GPR141: variants seen among roughly 807,000 people sequenced by gnomAD.
GPR141 encodes the protein G protein-coupled receptor 141, also known as probable G protein-coupled receptor 141.
A neutral mutation model predicts 6.8 loss-of-function variants in GPR141; 6 were observed. The ratio of observed to expected loss-of-function variants is 0.88; its 90% CI spans 0.48 to 1.74. The LOEUF is 1.74. GPR141 is among the 40% of genes most tolerant of loss of function. The pLI, the probability that GPR141 is intolerant of heterozygous loss-of-function variation, is 0.01. For missense variants in GPR141, 372 were observed against 372.9 expected, an observed-to-expected ratio of 1.00 and a Z score of 0.02; for synonymous variants, 140 against 142.3, an observed-to-expected ratio of 0.98 and a Z score of 0.11.
chr7:37,694,736 A>G (rs935451949), intron 2 of GPR141, among the ~76,000 whole-genome samples: 4 of 152,210 alleles, frequency 2.6e-5, no homozygotes, highest in Admixed American at 2.6e-4. Flanking sequence ...AAATTCTCAC[A>G]GGAATTAATA....
chr7:37,699,141 C>T (rs967203730), intron 2 of GPR141, among the ~76,000 whole-genome samples: 3 of 152,160 alleles, frequency 2.0e-5, no homozygotes, highest in Non-Finnish European at 2.9e-5. Context: ...TCCAGAATCA[C>T]GGATTGGCAG....
Position 37,742,163 on chromosome 7 carries a change from T to C in GPR141, c.*852T>C, listed in dbSNP as rs1308221925. On this transcript the variant is annotated 3_prime_UTR_variant, in exon 3 of 3. Coordinates refer to ENST00000334425, the MANE Select transcript of GPR141 (RefSeq NM_001381946.1). ...TTTTTGAGAGAATTTCTAGATGTCCTGGGCCACAGTTAATTAAGATTTTTA... is the reference window on the plus strand; with the variant it reads ...TTTTTGAGAGAATTTCTAGATGTCCCGGGCCACAGTTAATTAAGATTTTTA... 1.3e-5 allele frequency among the ~76,000 whole-genome samples: 2 copies of C among 152,148 alleles called. No homozygotes were observed. Among genetic ancestry groups the C allele is most frequent in the Admixed American group, 1.3e-4 (2 of 15,266 alleles).
chr7:37,707,414 C>G (rs766572095), intron 2 of GPR141, among the ~76,000 whole-genome samples: 1 of 152,246 alleles, frequency 6.6e-6, no homozygotes, highest in Admixed American at 6.5e-5. Context: ...TTTTATGACT[C>G]TAGTTGTGGC....
chr7:37,691,017 A>C (rs915993445), intron 2 of GPR141, among the ~76,000 whole-genome samples: 1 of 152,074 alleles, frequency 6.6e-6, no homozygotes, highest in African/African-American at 2.4e-5. Flanking sequence ...ATATATTTGC[A>C]ATTGGTGTGT....
intron 2 of GPR141, among the ~76,000 whole-genome samples, chr7:37,730,227 T>C (rs923900554): frequency 6.6e-6 from 1 of 152,210 alleles, no homozygotes; most frequent in African/African-American, 2.4e-5. Flanking sequence ...ATGAATTCAC[T>C]GAATCATTGC....
At position 37,717,172 on chromosome 7, in the gene GPR141, A is replaced by C. The variant is rs1395943422; in HGVS notation, c.-14-23208A>C. Among the ~76,000 whole-genome samples, 5 of 152,360 alleles carry C rather than the reference A, an allele frequency of 3.3e-5. No homozygotes were observed. The South Asian group carries it at 1.0e-3, about 32-fold the overall frequency. ...GGTGAAAATTTGCTTCATTTCCTAA[A>C]TACATAATAGACACTATGAGGGAAT... On this transcript the variant is annotated intron_variant, in intron 2 of 2. Coordinates refer to ENST00000334425, the MANE Select transcript of GPR141 (RefSeq NM_001381946.1).
chr7:37,714,880 G>A (rs993728427), intron 2 of GPR141, among the ~76,000 whole-genome samples: 1 of 152,114 alleles, frequency 6.6e-6, no homozygotes, highest in African/African-American at 2.4e-5. Flanking sequence ...AGCATTAGGA[G>A]TTTCAAAAAA....
At chr7:37,706,539 C>T (rs999278588) in intron 2 of GPR141, among the ~76,000 whole-genome samples, 2 of 152,156 alleles carry the variant, frequency 1.3e-5, no homozygotes, top group African/African-American at 4.8e-5. Context: ...CCCTGACCCC[C>T]CACCATAGTT....
chr7:37,712,780 A>G (rs1810865152), intron 2 of GPR141, among the ~76,000 whole-genome samples: 2 of 152,214 alleles, frequency 1.3e-5, no homozygotes, highest in Admixed American at 6.5e-5. Context: ...AGCACAAAAG[A>G]GCAATCATTT....
chr7:37,702,584 A>G (rs1205299566), intron 2 of GPR141, among the ~76,000 whole-genome samples: 1 of 151,932 alleles, frequency 6.6e-6, no homozygotes, highest in Non-Finnish European at 1.5e-5. Context: ...ACATAGACAG[A>G]AAGTCCCCCC....
In GPR141 at chr7:37,740,412, T is replaced by A; in HGVS notation, c.19T>A (p.Ser7Thr). 6.2e-7 allele frequency: 1 copy of A among 1,601,862 alleles called. No individual in the cohort carries two copies. The highest frequency in any genetic ancestry group is 8.5e-7 in the Non-Finnish European group (1 of 1,171,370). The change falls in exon 3 of 3, where the codon TCC becomes ACC. Residue 7 changes from serine (S) to threonine (T), a missense_variant. Ser to Thr is a moderately conservative substitution (Grantham distance 58, BLOSUM62 1). Transcript: ENST00000334425. MPGHNTSRNSSCDPIVT... is the reference protein window; with the variant it reads MPGHNTTRNSSCDPIVT... ...CCCAAGTATGCCTGGCCACAATACCTCCAGGAATTCCTCTTGCGATCCTAT... is the reference window on the plus strand; with the variant it reads ...CCCAAGTATGCCTGGCCACAATACCACCAGGAATTCCTCTTGCGATCCTAT...
chr7:37,733,442 C>T (rs1190400323), intron 2 of GPR141, among the ~76,000 whole-genome samples: 2 of 151,890 alleles, frequency 1.3e-5, no homozygotes, highest in African/African-American at 4.8e-5. Flanking sequence ...GAGGCTGAGG[C>T]GGGTGGATCA....
intron 2 of GPR141, chr7:37,729,849 GCTT>G (rs1242882713): frequency 6.6e-6 from 1 of 152,270 alleles, no homozygotes; most frequent in Non-Finnish European, 1.5e-5. Flanking sequence ...CAATTCCCTG[GCTT>G]CTTGTATTTG....
chr7:37,714,904 G>A (rs2131798705), intron 2 of GPR141, among the ~76,000 whole-genome samples: 1 of 152,256 alleles, frequency 6.6e-6, no homozygotes, highest in East Asian at 1.9e-4. Context: ...TATGAGTCCT[G>A]ATTTGGGTTA....
intron 2 of GPR141, among the ~76,000 whole-genome samples, chr7:37,702,872 GCC>G (rs1360082557): frequency 6.8e-6 from 1 of 147,104 alleles, no homozygotes; most frequent in Admixed American, 6.8e-5. Flanking sequence ...TAATATTGTT[GCC>G]TAGTATTTTA....
At chr7:37,707,111 G>A (rs1202185873) in intron 2 of GPR141, among the ~76,000 whole-genome samples, 1 of 152,090 alleles carries the variant, frequency 6.6e-6, no homozygotes, top group Middle Eastern at 3.2e-3. Flanking sequence ...TCAGAGCCTT[G>A]TGGGATTTCT....
intron 2 of GPR141, among the ~76,000 whole-genome samples, chr7:37,707,890 G>A (rs1810596397): frequency 6.6e-6 from 1 of 152,104 alleles, no homozygotes; most frequent in African/African-American, 2.4e-5. Flanking sequence ...GCTACGACAG[G>A]GTTTTTCTCG....
chr7:37,712,863 T>C (rs1252953878), intron 2 of GPR141, among the ~76,000 whole-genome samples: 2 of 152,200 alleles, frequency 1.3e-5, no homozygotes, highest in African/African-American at 4.8e-5. Flanking sequence ...TCTGCAGAGC[T>C]CAGCTGGGCC....
intron 2 of GPR141, among the ~76,000 whole-genome samples, chr7:37,703,231 G>T (rs914524541): frequency 2.0e-5 from 3 of 152,106 alleles, no homozygotes; most frequent in African/African-American, 7.2e-5. Flanking sequence ...CTTTTAAGAA[G>T]CTGTTTGTCT....
Sources: gnomAD v4.1 joint callset for allele counts (sites outside exome capture counted in the v4.1 genomes callset) on GRCh38, gnomAD v4.1.1 for gene constraint, MANE v1.5 for transcripts, NCBI Gene and HGNC (gene_info 2026-07-23, HGNC 2026-07-21) for gene names.